Variants in PRKAG2 observed in about 807,000 individuals in gnomAD.
PRKAG2 encodes the protein 5'-AMP-activated protein kinase subunit gamma-2.
In PRKAG2, 26 loss-of-function variants were observed where a neutral mutation model predicts 69.6. That is an observed-to-expected ratio of 0.37 (90% confidence interval 0.27 to 0.52). The LOEUF (loss-of-function observed/expected upper bound fraction) is 0.52. Ranked by LOEUF, PRKAG2 falls within the 20% of genes least tolerant of loss-of-function variation. PRKAG2 has a pLI of 0.90. For synonymous variants in PRKAG2, 293 were observed against 285.0 expected (o/e 1.03, Z -0.28); for missense variants, 557 against 740.0 (o/e 0.75, Z 2.87).
intron 1 of PRKAG2, among the ~76,000 whole-genome samples, chr7:151,798,033 C>T (rs557971462): frequency 2.0e-5 from 3 of 152,366 alleles, no homozygotes; most frequent in South Asian, 2.1e-4. Context: ...GAGACAGAGT[C>T]TTGCTCTGTC....
rs529160529 is a variant in PRKAG2 at position 151,733,638 on chromosome 7, C to T, written c.466+47514G>A. Among the ~76,000 whole-genome samples the T allele has an allele frequency of 2.4e-3, 359 of 152,092 alleles. 1 individual carries two copies. Among genetic ancestry groups the T allele is most frequent in the African/African-American group, 8.0e-3 (331 of 41,460 alleles). On this transcript the variant is annotated intron_variant, in intron 3 of 15. Transcript: ENST00000287878. Reference sequence around the variant, plus strand: ...TTTTTAGACCGTGTTAGTGAGTCTCCCGTCTAGGATTCCATCCCTCCTCTC... The same window carrying T: ...TTTTTAGACCGTGTTAGTGAGTCTCTCGTCTAGGATTCCATCCCTCCTCTC...
chr7:151,785,854 CCCCCA>C (rs1289931018), intron 2 of PRKAG2, among the ~76,000 whole-genome samples: 1 of 151,968 alleles, frequency 6.6e-6, no homozygotes, highest in Non-Finnish European at 1.5e-5. Flanking sequence ...TCTCCAGAGC[CCCCCA>C]CCCCACCCCA....
chr7:151,618,822 C>G (rs564512341), intron 5 of PRKAG2, among the ~76,000 whole-genome samples: 1 of 152,134 alleles, frequency 6.6e-6, no homozygotes, highest in Non-Finnish European at 1.5e-5. Flanking sequence ...GAAACATGAA[C>G]AGAAACAAAG....
chr7:151,832,068 A>G (rs1268946876), intron 1 of PRKAG2, among the ~76,000 whole-genome samples: 2 of 152,064 alleles, frequency 1.3e-5, no homozygotes, highest in Non-Finnish European at 2.9e-5. Context: ...TCTGGACTAG[A>G]AGGGTACAGG....
intron 14 of PRKAG2, 30 bp downstream of exon 14, chr7:151,564,048 G>A (rs201131868): frequency 4.7e-5 from 76 of 1,613,440 alleles, no homozygotes; most frequent in Admixed American, 4.7e-4. Context: ...AGTGGACGTC[G>A]GGGGAGCAGG....
At position 151,676,007 on chromosome 7, in the gene PRKAG2, C is replaced by T. The variant is rs186891009; in HGVS notation, c.467-370G>A. 2.4e-3 allele frequency among the ~76,000 whole-genome samples: 366 copies of T among 152,284 alleles called. 3 individuals are homozygous for T. Among genetic ancestry groups the T allele is most frequent in the African/African-American group, 8.5e-3 (353 of 41,554 alleles). ...GTGGGCAGCATCCCCTCATTGGGAACGGGGTGCTCACACGGTCCCGAGTTA... is the reference window on the plus strand; with the variant it reads ...GTGGGCAGCATCCCCTCATTGGGAATGGGGTGCTCACACGGTCCCGAGTTA... On this transcript the variant is annotated intron_variant, in intron 3 of 15. Transcript: ENST00000287878.
chr7:151,782,428 A>AAGGAAGGAAGGAAG (rs1563664136), intron 2 of PRKAG2, among the ~76,000 whole-genome samples: 3 of 75,034 alleles, frequency 4.0e-5, no homozygotes, highest in African/African-American at 8.6e-5. Context: ...AAGGAAGGAA[A>AAGGAAGGAAGGAAG]GAAAGAAGGA....
Position 151,794,423 on chromosome 7 carries a change from T to TCA in PRKAG2, c.115-7884_115-7883dup, listed in dbSNP as rs141040905. Among the ~76,000 whole-genome samples the TCA allele has an allele frequency of 3.2e-3, 484 of 152,376 alleles. 1 individual carries two copies. The highest frequency in any genetic ancestry group is 5.1e-3 in the Non-Finnish European group (347 of 68,036). Reference sequence around the variant, plus strand: ...CTTTCCAGTGTGTAAAAGGAGGCCATCATCCTTCTTATCACGGGCTGGTGG... The same window carrying TCA: ...CTTTCCAGTGTGTAAAAGGAGGCCATCACATCCTTCTTATCACGGGCTGGTGG... On this transcript the variant is annotated intron_variant, in intron 1 of 15. Transcript: ENST00000287878.
At chr7:151,702,683 C>T (rs985466471) in intron 3 of PRKAG2, among the ~76,000 whole-genome samples, 2 of 152,236 alleles carry the variant, frequency 1.3e-5, no homozygotes, top group African/African-American at 4.8e-5. Flanking sequence ...TTAAAATACT[C>T]TCAGGAGAAA....
At chr7:151,630,733 T>C (rs1176223170) in intron 5 of PRKAG2, among the ~76,000 whole-genome samples, 1 of 152,246 alleles carries the variant, frequency 6.6e-6, no homozygotes, top group African/African-American at 2.4e-5. Context: ...CAAAGTCTTA[T>C]GGAACGGGCA....
In PRKAG2 at chr7:151,574,729, G is replaced by A. The variant is rs185976906; in HGVS notation, c.1005+162C>T. Among the ~76,000 whole-genome samples the A allele has an allele frequency of 3.5e-3, 537 of 152,198 alleles. 1 individual carries two copies. Among genetic ancestry groups the A allele is most frequent in the Non-Finnish European group, 5.7e-3 (387 of 68,014 alleles). ...ACAGTAAAGAGAGTTTTGTACTGAAGTTCCCTGCATGTTATATAGATTTGG... is the reference window on the plus strand; with the variant it reads ...ACAGTAAAGAGAGTTTTGTACTGAAATTCCCTGCATGTTATATAGATTTGG... On this transcript the variant is annotated intron_variant, in intron 8 of 15. Transcript: ENST00000287878.
At chr7:151,821,692 C>T (rs1338932334) in intron 1 of PRKAG2, among the ~76,000 whole-genome samples, 2 of 152,186 alleles carry the variant, frequency 1.3e-5, no homozygotes, top group Non-Finnish European at 2.9e-5. Flanking sequence ...GTCCTGAGCA[C>T]ACCATGAAGG....
At chr7:151,599,808 C>T (rs947017705) in intron 5 of PRKAG2, among the ~76,000 whole-genome samples, 3 of 152,198 alleles carry the variant, frequency 2.0e-5, no homozygotes, top group Non-Finnish European at 2.9e-5. Flanking sequence ...TGTACTGGTT[C>T]ATGGCCCCAG....
rs1217354772 is a variant in PRKAG2, at chr7:151,771,117, G to T, written c.466+10035C>A. Reference sequence around the variant, plus strand: ...CTCTGTTCCTTACTTCAGGCTCTAAGATCTGCCTGATTTCTACTACTGTAA... The same window carrying T: ...CTCTGTTCCTTACTTCAGGCTCTAATATCTGCCTGATTTCTACTACTGTAA... On this transcript the variant is annotated intron_variant, in intron 3 of 15. Transcript: ENST00000287878. This position sits in a 1 kb window ranked among gnomAD's most constrained non-coding sequence, Gnocchi z 4.0. 6.6e-6 allele frequency among the ~76,000 whole-genome samples: 1 copy of T among 152,172 alleles called. No individual in the cohort carries two copies. The highest frequency in any genetic ancestry group is 1.9e-4 in the East Asian group (1 of 5,194).
intron 3 of PRKAG2, among the ~76,000 whole-genome samples, chr7:151,754,631 T>C (rs1021684148): frequency 2.0e-5 from 3 of 152,190 alleles, no homozygotes; most frequent in Non-Finnish European, 2.9e-5. Context: ...CCAGGGCCCT[T>C]TGTACAACTC....
intron 1 of PRKAG2, among the ~76,000 whole-genome samples, chr7:151,799,603 C>A (rs1359890925): frequency 6.6e-6 from 1 of 152,254 alleles, no homozygotes; most frequent in East Asian, 1.9e-4. Flanking sequence ...CCCAGCCACG[C>A]AGGCGGCAGC....
Position 151,643,669 on chromosome 7 carries a change from GT to G in PRKAG2, c.685-11532del, listed in dbSNP as rs559872112. On this transcript the variant is annotated intron_variant, in intron 4 of 15. Coordinates refer to ENST00000287878, the MANE Select transcript of PRKAG2 (RefSeq NM_016203.4). ...CAGTGGTCTTCATTTACTATCCACA[GT>G]GTTACATAGCCACTTATGGTGGATT... Among the ~76,000 whole-genome samples, 22 of 152,298 alleles carry G rather than the reference GT, an allele frequency of 1.4e-4. No individual in the cohort carries two copies. The South Asian group carries it at 4.6e-3, about 32-fold the overall frequency.
intron 3 of PRKAG2, among the ~76,000 whole-genome samples, chr7:151,734,848 CTTTTTTTTTTTTT>C (rs35008070): frequency 1.1e-5 from 1 of 90,082 alleles, no homozygotes; most frequent in Admixed American, 1.5e-4. Flanking sequence ...AAATCTGATT[CTTTTTTTTTTTTT>C]TTTTTTTTTT....
intron 1 of PRKAG2, among the ~76,000 whole-genome samples, chr7:151,795,989 T>A (rs908275536): frequency 6.7e-6 from 1 of 148,626 alleles, no homozygotes; most frequent in African/African-American, 2.5e-5. Context: ...AATATGTATA[T>A]TAAGGAGATA....
Sources: gnomAD v4.1 joint callset for allele counts (sites outside exome capture counted in the v4.1 genomes callset) on GRCh38, gnomAD v4.1.1 for gene constraint, Gnocchi (gnomAD v3.1) non-coding constraint, MANE v1.5 for transcripts, NCBI Gene and HGNC (gene_info 2026-07-23, HGNC 2026-07-21) for gene names.